Variants in GPC5 observed in about 807,000 individuals in gnomAD.
GPC5 encodes glypican-5.
A neutral mutation model predicts 53.9 loss-of-function variants in GPC5; 47 were observed. That is an observed-to-expected ratio of 0.87 (90% confidence interval 0.69 to 1.11). GPC5 has a LOEUF of 1.11. Among genes scored for constraint, GPC5 ranks in the 50% most tolerant of loss-of-function variants. GPC5 has a pLI of 0.00. For synonymous variants in GPC5, 286 were observed against 263.3 expected (o/e 1.09, Z -0.84); for missense variants, 748 against 713.1 (o/e 1.05, Z -0.56).
chr13:92,106,020 ATTTG>A (rs1377306718), intron 6 of GPC5, among the ~76,000 whole-genome samples: 2 of 151,976 alleles, frequency 1.3e-5, no homozygotes, highest in African/African-American at 2.4e-5. Context: ...TGTGAAATCT[ATTTG>A]TTATGTACCA....
chr13:92,741,991 A>G (rs1889110721), intron 7 of GPC5, among the ~76,000 whole-genome samples: 1 of 151,950 alleles, frequency 6.6e-6, no homozygotes, highest in South Asian at 2.1e-4. Context: ...TCATTGTTGG[A>G]CATTTGGGTT....
intron 2 of GPC5, among the ~76,000 whole-genome samples, chr13:91,645,689 A>G (rs751722301): frequency 5.3e-5 from 8 of 152,256 alleles, no homozygotes; most frequent in Non-Finnish European, 8.8e-5. Context: ...ACTGAAGTCT[A>G]GTCAGTCATC....
chr13:91,705,070 G>T (rs888805282), intron 3 of GPC5, among the ~76,000 whole-genome samples: 11 of 152,188 alleles, frequency 7.2e-5, no homozygotes, highest in Non-Finnish European at 1.5e-5. Context: ...TGTAAGAGGT[G>T]TGAGGATGGA....
In GPC5 at chr13:92,534,222, G is replaced by A. The variant is rs77775155; in HGVS notation, c.1562-332060G>A. 4.6e-5 allele frequency among the ~76,000 whole-genome samples: 7 copies of A among 152,204 alleles called. No homozygotes were observed. In the East Asian group the frequency reaches 7.7e-4, roughly 17 times the overall value. ...TGGTCGCTTGAGCCTGGGAGGAAAA[G>A]GTTGCAGTGAACATGCCACTGCACT... is the stretch of plus-strand genomic sequence containing the variant. On this transcript the variant is annotated intron_variant, in intron 7 of 7. Transcript: ENST00000377067.
intron 7 of GPC5, among the ~76,000 whole-genome samples, chr13:92,374,464 T>C (rs1057175315): frequency 6.6e-6 from 1 of 152,136 alleles, no homozygotes; most frequent in Non-Finnish European, 1.5e-5. Flanking sequence ...AATTGGCTCT[T>C]CCTACCTAGT....
chr13:91,453,163 G>A (rs1267202824), intron 2 of GPC5, among the ~76,000 whole-genome samples: 2 of 151,792 alleles, frequency 1.3e-5, no homozygotes, highest in African/African-American at 2.4e-5. Flanking sequence ...CCTGTCCTCT[G>A]GGGTTGAAAT....
chr13:92,154,539 T>C (rs1343953159), intron 7 of GPC5, among the ~76,000 whole-genome samples: 1 of 152,210 alleles, frequency 6.6e-6, no homozygotes, highest in Non-Finnish European at 1.5e-5. Flanking sequence ...AATTCTTTTA[T>C]ATACATTTAA....
chr13:92,855,618 A>G (rs183408541), intron 7 of GPC5, among the ~76,000 whole-genome samples: 1 of 149,772 alleles, frequency 6.7e-6, no homozygotes, highest in Non-Finnish European at 1.5e-5. Context: ...ATTTTTTAGA[A>G]TTGAAAAAAA....
At chr13:91,606,632 C>A (rs1043216286) in intron 2 of GPC5, among the ~76,000 whole-genome samples, 31 of 148,298 alleles carry the variant, frequency 2.1e-4, no homozygotes, top group Admixed American at 6.0e-4. Flanking sequence ...ACAATTTCAG[C>A]TCCTGTTATT....
At chr13:92,572,777 G>A (rs1021075028) in intron 7 of GPC5, among the ~76,000 whole-genome samples, 2 of 151,984 alleles carry the variant, frequency 1.3e-5, no homozygotes, top group Non-Finnish European at 2.9e-5. Context: ...GTATATAACT[G>A]AAAGCAAGAG....
chr13:92,854,209 T>C (rs895268114), intron 7 of GPC5, among the ~76,000 whole-genome samples: 2 of 147,906 alleles, frequency 1.4e-5, no homozygotes, highest in African/African-American at 2.5e-5. Flanking sequence ...TAGAGATATA[T>C]ATATTATATA....
intron 2 of GPC5, among the ~76,000 whole-genome samples, chr13:91,477,045 C>G (rs1023012047): frequency 6.6e-6 from 1 of 152,068 alleles, no homozygotes; most frequent in East Asian, 1.9e-4. Context: ...CCTCCTGTGG[C>G]TGTGCTATGG....
chr13:92,313,394 A>G (rs117235839), intron 7 of GPC5, among the ~76,000 whole-genome samples: 5,203 of 152,326 alleles, frequency 0.034, 137 homozygotes, highest in Middle Eastern at 0.061. Flanking sequence ...AAAGCCACAT[A>G]GTGTCTGAAT....
chr13:91,532,071 A>G (rs189607929), intron 2 of GPC5, among the ~76,000 whole-genome samples: 9 of 152,374 alleles, frequency 5.9e-5, no homozygotes, highest in Admixed American at 5.9e-4. Context: ...AGTGATTGTA[A>G]GAAACTCAAA....
chr13:91,412,801 A>G (rs1417875772), intron 1 of GPC5, among the ~76,000 whole-genome samples: 2 of 152,240 alleles, frequency 1.3e-5, no homozygotes, highest in Non-Finnish European at 2.9e-5. Context: ...CGCAGTATGA[A>G]TCAAAGTTTA....
intron 7 of GPC5, among the ~76,000 whole-genome samples, chr13:92,371,683 C>T (rs2043651091): frequency 6.6e-6 from 1 of 152,132 alleles, no homozygotes; most frequent in Admixed American, 6.5e-5. Context: ...GGAAGATCCC[C>T]TTATAAAACC....
At chr13:91,962,551 C>T (rs1367883104) in intron 6 of GPC5, among the ~76,000 whole-genome samples, 1 of 151,956 alleles carries the variant, frequency 6.6e-6, no homozygotes, top group Non-Finnish European at 1.5e-5. Context: ...AGGGTTGTTG[C>T]ACAGTCTTAG....
chr13:92,152,401 G>A (rs866614665), intron 7 of GPC5, among the ~76,000 whole-genome samples: 1 of 152,158 alleles, frequency 6.6e-6, no homozygotes, highest in Admixed American at 6.5e-5. Context: ...AGATTAAGTG[G>A]TTTAATCCAT....
chr13:92,502,762 C>T (rs949152490), intron 7 of GPC5, among the ~76,000 whole-genome samples: 1 of 151,996 alleles, frequency 6.6e-6, no homozygotes, highest in Non-Finnish European at 1.5e-5. Context: ...GAGATTTCAA[C>T]ATTCTTTTCT....
Sources: allele counts gnomAD v4.1 joint callset (sites outside exome capture counted in the v4.1 genomes callset), GRCh38; gene constraint gnomAD v4.1.1; transcripts MANE v1.5; gene names NCBI Gene and HGNC (gene_info 2026-07-23, HGNC 2026-07-21).